Variants in SLC4A8 observed in about 807,000 individuals in gnomAD.
SLC4A8 encodes electroneutral sodium bicarbonate exchanger 1.
In SLC4A8, 40 loss-of-function variants were observed where a neutral mutation model predicts 125.0. The ratio of observed to expected loss-of-function variants is 0.32; its 90% CI spans 0.25 to 0.42. SLC4A8 has a LOEUF of 0.42. SLC4A8 is among the 10% of genes least tolerant of loss of function. SLC4A8 has a pLI of 1.00. For synonymous variants in SLC4A8, 456 were observed against 476.0 expected (o/e 0.96, Z 0.55); for missense variants, 863 against 1,355.1 (o/e 0.64, Z 5.70).
At position 51,503,548 on chromosome 12, in the gene SLC4A8, G is replaced by T. The variant is rs1200605544; in HGVS notation, c.3082-481G>T. ...TATTTTAAACCTACAAAGGTAGAAA[G>T]AAAAGGCTTCTTATTGTTAATAATT... On this transcript the variant is annotated intron_variant, in intron 22 of 24. Transcript: ENST00000453097. Among the ~76,000 whole-genome samples the T allele has an allele frequency of 2.6e-5, 4 of 152,180 alleles. No individual in the cohort carries two copies. In the East Asian group the frequency reaches 7.7e-4, roughly 29 times the overall value.
intron 1 of SLC4A8, chr12:51,392,775 C>T (rs892957999): frequency 6.6e-6 from 1 of 152,034 alleles, no homozygotes; most frequent in Non-Finnish European, 1.5e-5. Context: ...CCTCCTAAGC[C>T]GGTGTTCGGA....
At chr12:51,395,773 A>G (rs558108111) in intron 1 of SLC4A8, among the ~76,000 whole-genome samples, 1 of 152,166 alleles carries the variant, frequency 6.6e-6, no homozygotes, top group East Asian at 1.9e-4. Flanking sequence ...GAAACAACGG[A>G]GTCTCCCACT....
At position 51,460,173 on chromosome 12, in the gene SLC4A8, G is replaced by A. The variant is rs146017323; in HGVS notation, c.1013+65G>A. The stretch of plus-strand genomic sequence containing the variant: ...TCAAATTTATGTAGTGCTGGTAGAA[G>A]AAACCACTTAATACTGAAATTTAGA... On this transcript the variant is annotated intron_variant, in intron 8 of 24. Coordinates refer to ENST00000453097, the MANE Select transcript of SLC4A8 (RefSeq NM_001039960.3). 9.0e-4 allele frequency: 1,117 copies of A among 1,237,390 alleles called. 10 individuals carry two copies. In the African/African-American group the frequency reaches 0.015, roughly 17 times the overall value. 76.7% of individuals were successfully genotyped at this position (1,237,390 alleles called of 1,614,324 possible). A position where few individuals can be genotyped will look rare whatever the true frequency, so the allele number is the denominator to read the frequency against.
chr12:51,455,138 T>G (rs1356883247), intron 5 of SLC4A8, among the ~76,000 whole-genome samples: 1 of 145,754 alleles, frequency 6.9e-6, no homozygotes, highest in African/African-American at 2.5e-5. Context: ...GGTTATAGAT[T>G]AACAGAATCT....
rs1237238518 is a variant in SLC4A8 at position 51,498,557 on chromosome 12, G to A, written c.3081+1433G>A. ...GATAAAAACAAGTGTTGGCAAGACT[G>A]TAATTGAAATTGGCTTCTCATACAC... On this transcript the variant is annotated intron_variant, in intron 22 of 24. Transcript: ENST00000453097. Among the ~76,000 whole-genome samples, 5 of 151,678 alleles carry A rather than the reference G, an allele frequency of 3.3e-5. No homozygotes were observed. The East Asian group carries it at 9.8e-4, about 30-fold the overall frequency.
chr12:51,413,182 T>G (rs542917178), intron 1 of SLC4A8, among the ~76,000 whole-genome samples: 4 of 152,342 alleles, frequency 2.6e-5, no homozygotes, highest in Admixed American at 1.3e-4. Context: ...TATTGAGCAT[T>G]TTTTTCATAT....
chr12:51,412,298 C>T (rs574012335), intron 1 of SLC4A8, among the ~76,000 whole-genome samples: 1 of 151,734 alleles, frequency 6.6e-6, no homozygotes, highest in Non-Finnish European at 1.5e-5. Flanking sequence ...TAAAAATGTT[C>T]TAGTTGATGC....
At chr12:51,467,643 TA>T (rs1950561076) in intron 11 of SLC4A8, among the ~76,000 whole-genome samples, 1 of 152,198 alleles carries the variant, frequency 6.6e-6, no homozygotes, top group African/African-American at 2.4e-5. Flanking sequence ...GTGTGTTTTT[TA>T]AAAATAGCTT....
At chr12:51,395,737 C>T (rs778267596) in intron 1 of SLC4A8, among the ~76,000 whole-genome samples, 3 of 152,200 alleles carry the variant, frequency 2.0e-5, no homozygotes, top group Admixed American at 2.0e-4. Flanking sequence ...TACCTCTCAT[C>T]TCACCCACTC....
chr12:51,422,511 T>C (rs1271404527), upstream of SLC4A8, among the ~76,000 whole-genome samples: 1 of 152,176 alleles, frequency 6.6e-6, no homozygotes, highest in East Asian at 1.9e-4. Flanking sequence ...CATGCCACCA[T>C]GCCTGGCTAA....
chr12:51,495,606 G>T (rs922894805), intron 21 of SLC4A8, among the ~76,000 whole-genome samples: 1 of 149,086 alleles, frequency 6.7e-6, no homozygotes, highest in Non-Finnish European at 1.5e-5. Context: ...CTCCCTAATA[G>T]CTGGGATTAC....
At chr12:51,474,474 TA>T (rs1228180947) in intron 15 of SLC4A8, 27 bp downstream of exon 15, 1 of 1,606,892 alleles carries the variant, frequency 6.2e-7, no homozygotes, top group Non-Finnish European at 8.5e-7. Flanking sequence ...CCAGATGTCC[TA>T]GCATTGTGAC....
intron 11 of SLC4A8, among the ~76,000 whole-genome samples, chr12:51,465,301 GTTTTCC>G (rs989319340): frequency 4.6e-5 from 7 of 152,158 alleles, no homozygotes; most frequent in African/African-American, 7.2e-5. Flanking sequence ...GGGCAACAAG[GTTTTCC>G]TCAAACCAAT....
chr12:51,499,383 C>A (rs1016861916), intron 22 of SLC4A8, among the ~76,000 whole-genome samples: 78 of 151,238 alleles, frequency 5.2e-4, no homozygotes, highest in African/African-American at 1.9e-3. Context: ...AGAAAATACA[C>A]CAAAATGTTT....
At chr12:51,395,654 G>A (rs1313386350) in intron 1 of SLC4A8, among the ~76,000 whole-genome samples, 1 of 152,206 alleles carries the variant, frequency 6.6e-6, no homozygotes, top group African/African-American at 2.4e-5. Context: ...AGGGGAGTGT[G>A]CAAGGGATGC....
At chr12:51,394,751 T>G (rs1948225342) in intron 1 of SLC4A8, among the ~76,000 whole-genome samples, 1 of 152,240 alleles carries the variant, frequency 6.6e-6, no homozygotes, top group South Asian at 2.1e-4. Flanking sequence ...GCTTATTACC[T>G]GGATGACAAA....
At chr12:51,397,721 G>A (rs947839379) in intron 1 of SLC4A8, among the ~76,000 whole-genome samples, 1 of 141,194 alleles carries the variant, frequency 7.1e-6, no homozygotes, top group African/African-American at 2.5e-5. Context: ...CAATTCTAAG[G>A]TGCATTTTTA....
chr12:51,408,362 T>C (rs924067666), intron 1 of SLC4A8, among the ~76,000 whole-genome samples: 14 of 152,086 alleles, frequency 9.2e-5, no homozygotes, highest in African/African-American at 3.1e-4. Context: ...CCAGAGTAGC[T>C]AGGATTACAG....
chr12:51,425,517 C>A, intron 1 of SLC4A8: 1 of 792,404 alleles, frequency 1.3e-6, no homozygotes, highest in Non-Finnish European at 1.5e-6. Context: ...GGACCAATCC[C>A]TGATAGGGTG....
Sources: allele counts gnomAD v4.1 joint callset (sites outside exome capture counted in the v4.1 genomes callset), GRCh38; gene constraint gnomAD v4.1.1; transcripts MANE v1.5; gene names NCBI Gene and HGNC (gene_info 2026-07-23, HGNC 2026-07-21).